Variants in UBXN2A observed in about 807,000 individuals in gnomAD.
UBXN2A encodes UBX domain-containing protein 2A.
UBXN2A carries 28 observed loss-of-function variants against 28.4 expected under a neutral mutation model. That is an observed-to-expected ratio of 0.99 (90% confidence interval 0.73 to 1.35). The LOEUF (loss-of-function observed/expected upper bound fraction) is 1.35, where lower values mean the gene tolerates loss of function less well. UBXN2A is among the 40% of genes most tolerant of loss of function. UBXN2A has a pLI of 0.00. For synonymous variants in UBXN2A, 97 were observed against 103.6 expected (o/e 0.94, Z 0.39); for missense variants, 253 against 297.9 (o/e 0.85, Z 1.11).
intron 1 of UBXN2A, among the ~76,000 whole-genome samples, chr2:23,955,270 G>A (rs1261884633): frequency 2.6e-5 from 4 of 152,070 alleles, no homozygotes; most frequent in African/African-American, 9.7e-5. Context: ...TCTTGATTCA[G>A]CATTCCCTTG....
intron 2 of UBXN2A, among the ~76,000 whole-genome samples, chr2:23,960,106 A>G (rs1281462124): frequency 1.3e-5 from 2 of 152,034 alleles, no homozygotes; most frequent in Non-Finnish European, 2.9e-5. Context: ...CAAAAAAAAA[A>G]TTAACTGGGC....
Position 24,000,272 on chromosome 2 carries a change from A to G in UBXN2A, c.*405A>G, listed in dbSNP as rs1302089080. On this transcript the variant is annotated 3_prime_UTR_variant, in exon 7 of 7. Coordinates refer to ENST00000309033, the MANE Select transcript of UBXN2A (RefSeq NM_181713.4). ...TTAAATAGCTAATACGACCGGGTACAGTGGTTCATGCCTGTAATCCCAGAA... is the reference window on the plus strand; with the variant it reads ...TTAAATAGCTAATACGACCGGGTACGGTGGTTCATGCCTGTAATCCCAGAA... The G allele has an allele frequency of 1.3e-5, 2 of 159,358 alleles. No individual in the cohort carries two copies. Among genetic ancestry groups the G allele is most frequent in the Admixed American group, 6.3e-5 (1 of 15,918 alleles). 9.9% of individuals were successfully genotyped at this position (159,358 alleles called of 1,614,324 possible). A position where few individuals can be genotyped will look rare whatever the true frequency, so the allele number is the denominator to read the frequency against.
In UBXN2A at chr2:23,966,535, C is replaced by T. The variant is rs1357511116; in HGVS notation, c.42-4741C>T. Among the ~76,000 whole-genome samples, 3 of 150,932 alleles carry T rather than the reference C, an allele frequency of 2.0e-5. No homozygotes were observed. In the East Asian group the frequency reaches 5.8e-4, roughly 29 times the overall value. On this transcript the variant is annotated intron_variant, in intron 2 of 6. Coordinates refer to ENST00000309033, the MANE Select transcript of UBXN2A (RefSeq NM_181713.4). Reference sequence around the variant, plus strand: ...TGGCGTGATCTCAGCTCACTGCAAGCTCTGCCTCCCAGGTTCACGCCATTC... The same window carrying T: ...TGGCGTGATCTCAGCTCACTGCAAGTTCTGCCTCCCAGGTTCACGCCATTC...
At chr2:23,932,873 G>A (rs1382169541) in intron 1 of UBXN2A, among the ~76,000 whole-genome samples, 1 of 152,196 alleles carries the variant, frequency 6.6e-6, no homozygotes, top group African/African-American at 2.4e-5. Context: ...GGGAGGCCGA[G>A]GCAGGTGGAT....
At chr2:23,958,690 C>G (rs1022007086) in intron 2 of UBXN2A, among the ~76,000 whole-genome samples, 2 of 152,142 alleles carry the variant, frequency 1.3e-5, no homozygotes, top group Non-Finnish European at 2.9e-5. Flanking sequence ...GCTTTGGAGT[C>G]AGATAAACCT....
At chr2:23,985,201 G>GT (rs1243345514) in intron 6 of UBXN2A, among the ~76,000 whole-genome samples, 1 of 152,236 alleles carries the variant, frequency 6.6e-6, no homozygotes, top group Non-Finnish European at 1.5e-5. Context: ...GCCTGCCAAA[G>GT]TGCTGGGATT....
Position 23,981,590 on chromosome 2 carries a change from A to AATTTG in UBXN2A, c.288-1305_288-1301dup, listed in dbSNP as rs545529556. 3.3e-4 allele frequency among the ~76,000 whole-genome samples: 50 copies of AATTTG among 151,700 alleles called. No individual in the cohort carries two copies. In the East Asian group the frequency reaches 9.3e-3, roughly 28 times the overall value. On this transcript the variant is annotated intron_variant, in intron 4 of 6. Transcript: ENST00000309033. The stretch of plus-strand genomic sequence containing the variant: ...CAGAATAAATCAACTACTTTATTAG[A>AATTTG]ATTTGTTAAAATTTGTCCTTTGGCC...
At chr2:23,962,061 T>G (rs1048932654) in intron 2 of UBXN2A, among the ~76,000 whole-genome samples, 7 of 152,062 alleles carry the variant, frequency 4.6e-5, no homozygotes, top group Admixed American at 1.3e-4. Flanking sequence ...TCCAGGCTGG[T>G]CTTGAACTCC....
intron 5 of UBXN2A, among the ~76,000 whole-genome samples, chr2:23,983,481 T>G (rs1707998972): frequency 6.6e-6 from 1 of 152,026 alleles, no homozygotes; most frequent in Non-Finnish European, 1.5e-5. Context: ...CTCTCCAGTC[T>G]GGGCAACAAG....
chr2:23,992,529 G>C (rs963514799), intron 6 of UBXN2A, among the ~76,000 whole-genome samples: 1 of 152,150 alleles, frequency 6.6e-6, no homozygotes, highest in African/African-American at 2.4e-5. Context: ...CGGAAAGGAA[G>C]GTTTTATGAC....
chr2:23,946,176 CAG>C (rs1180789450), intron 1 of UBXN2A, among the ~76,000 whole-genome samples: 2 of 152,008 alleles, frequency 1.3e-5, no homozygotes, highest in Non-Finnish European at 2.9e-5. Flanking sequence ...TATTTTTAGA[CAG>C]AGTTTCACTT....
At position 23,971,238 on chromosome 2, in the gene UBXN2A, A is replaced by G. The variant is rs561830716; in HGVS notation, c.42-38A>G. The G allele has an allele frequency of 4.7e-5, 70 of 1,491,468 alleles. No homozygotes were observed. The East Asian group carries it at 1.5e-3, about 32-fold the overall frequency. 92.4% of individuals were successfully genotyped at this position (1,491,468 alleles called of 1,614,324 possible). A position where few individuals can be genotyped will look rare whatever the true frequency, so the allele number is the denominator to read the frequency against. ...AAAATAAGTAAATTTTTAGAGACCT[A>G]ATAGTTAATAGTGCCTGTTTTTCTT... On this transcript the variant is annotated intron_variant, in intron 2 of 6. Transcript: ENST00000309033.
intron 2 of UBXN2A, among the ~76,000 whole-genome samples, chr2:23,962,389 G>A (rs940785132): frequency 2.0e-5 from 3 of 152,050 alleles, no homozygotes; most frequent in African/African-American, 7.2e-5. Flanking sequence ...ACAACAGAAT[G>A]AAAAGGCAGC....
rs1005080641 is a variant in UBXN2A at position 23,999,984 on chromosome 2, G to A, written c.*117G>A. The A allele has an allele frequency of 4.2e-6, 4 of 942,618 alleles. No homozygotes were observed. The African/African-American group carries it at 6.7e-5, about 16-fold the overall frequency. The allele number at this position is 942,618 out of a possible 1,614,324, so 58.4% of individuals were successfully genotyped here. ...CTAGACTTTTGGTTCGAGTACTATT[G>A]AACTCTCTCCTGATGAGAAGATGTT... is the stretch of plus-strand genomic sequence containing the variant. On this transcript the variant is annotated 3_prime_UTR_variant, in exon 7 of 7. Transcript: ENST00000309033.
intron 3 of UBXN2A, among the ~76,000 whole-genome samples, chr2:23,974,016 ATTTTTT>A (rs71395170): frequency 7.1e-6 from 1 of 140,442 alleles, no homozygotes; most frequent in African/African-American, 2.6e-5. Context: ...AAAATGATTA[ATTTTTT>A]TTTTTTTTTT....
chr2:23,996,484 T>TC (rs1397341597), intron 6 of UBXN2A, among the ~76,000 whole-genome samples: 3 of 151,222 alleles, frequency 2.0e-5, no homozygotes, highest in Non-Finnish European at 4.4e-5. Flanking sequence ...TTTTTCTTTT[T>TC]TTTTTTTTTA....
chr2:23,938,431 A>C (rs1401701719), upstream of UBXN2A, among the ~76,000 whole-genome samples: 1 of 151,852 alleles, frequency 6.6e-6, no homozygotes, highest in Non-Finnish European at 1.5e-5. Context: ...ATGCCATTGC[A>C]CTCCAGCCTG....
Position 23,999,889 on chromosome 2 carries a change from A to G in UBXN2A, c.*22A>G, listed in dbSNP as rs1467309539. 1 of 1,603,786 alleles carries G rather than the reference A, an allele frequency of 6.2e-7. No individual in the cohort carries two copies. Among genetic ancestry groups the G allele is most frequent in the Non-Finnish European group, 8.5e-7 (1 of 1,174,876 alleles). ...CTGATTTTTGATAGACTAAGTGGAA[A>G]ATTTGCAGAGAAATGATGGTTGTAA... On this transcript the variant is annotated 3_prime_UTR_variant, in exon 7 of 7. Transcript: ENST00000309033.
rs371407027 is a variant in UBXN2A, at chr2:23,971,872, G to C, written c.180+458G>C. Among the ~76,000 whole-genome samples, 10 of 152,098 alleles carry C rather than the reference G, an allele frequency of 6.6e-5. No homozygotes were observed. The South Asian group carries it at 1.2e-3, about 19-fold the overall frequency. ...CCAGCACTTTAGGAGACTGAGGCAG[G>C]AGGATCACTTGAGCCTAGGAGTTAA... On this transcript the variant is annotated intron_variant, in intron 3 of 6. Transcript: ENST00000309033.
Sources: gnomAD v4.1 joint callset for allele counts (sites outside exome capture counted in the v4.1 genomes callset) on GRCh38, gnomAD v4.1.1 for gene constraint, MANE v1.5 for transcripts, NCBI Gene and HGNC (gene_info 2026-07-23, HGNC 2026-07-21) for gene names.